Variants in ARFGEF1 observed in about 807,000 individuals in gnomAD.
ARFGEF1 encodes ARF guanine nucleotide exchange factor 1.
In ARFGEF1, 42 loss-of-function variants were observed where a neutral mutation model predicts 231.0. That is an observed-to-expected ratio of 0.18 (90% CI 0.14 to 0.24). The LOEUF is 0.24. Ranked by LOEUF, ARFGEF1 falls within the 10% of genes least tolerant of loss-of-function variation. ARFGEF1 has a pLI of 1.00. For missense variants in ARFGEF1, 1,345 were observed against 2,192.0 expected (o/e 0.61, Z 7.72); for synonymous variants, 710 against 732.3 (o/e 0.97, Z 0.49).
intron 7 of ARFGEF1, among the ~76,000 whole-genome samples, chr8:67,281,996 G>A (rs1441645794): frequency 6.6e-6 from 1 of 152,066 alleles, no homozygotes; most frequent in African/African-American, 2.4e-5. Context: ...ATCTTCCCAA[G>A]TTAATTTATA....
intron 15 of ARFGEF1, 39 bp from the exon 16 acceptor site, chr8:67,258,329 CT>C (rs113171041): frequency 0.17 from 178,155 of 1,024,860 alleles, 7 homozygotes; most frequent in South Asian, 0.22. Flanking sequence ...TATTTTCTTT[CT>C]TTTTTTTTTT....
chr8:67,333,903 C>T (rs928402862), intron 1 of ARFGEF1, among the ~76,000 whole-genome samples: 3 of 151,982 alleles, frequency 2.0e-5, no homozygotes, highest in Non-Finnish European at 4.4e-5. Context: ...TTTGGGAGGC[C>T]AAGGTCAGCG....
rs780874117 is a variant in ARFGEF1 at position 67,224,961 on chromosome 8, G to C, written c.4150C>G (p.Pro1384Ala). The C allele has an allele frequency of 6.2e-7, 1 of 1,605,478 alleles. No individual in the cohort carries two copies. The highest frequency in any genetic ancestry group is 8.5e-7 in the Non-Finnish European group (1 of 1,175,290). Residue 1384 changes from proline (P) to alanine (A), a missense_variant, in exon 29 of 39, where the codon CCA becomes GCA. By Grantham distance (27) the Pro-to-Ala change is conservative. Transcript: ENST00000262215. ...EDRVWVRGWF[P>A]ILFELSCIIN... Reference sequence around the variant, plus strand: ...ATACAGGATAACTCAAAGAGAATTGGGAACCATCCTCTCACCCACACCCTG... The same window carrying C: ...ATACAGGATAACTCAAAGAGAATTGCGAACCATCCTCTCACCCACACCCTG...
intron 1 of ARFGEF1, among the ~76,000 whole-genome samples, chr8:67,338,343 TTCCCCA>T (rs1456395065): frequency 1.3e-5 from 2 of 152,162 alleles, no homozygotes; most frequent in African/African-American, 2.4e-5. Context: ...TTGTCTTTCT[TTCCCCA>T]GTGTCCCAAA....
chr8:67,242,353 A>G (rs939936200), intron 19 of ARFGEF1, among the ~76,000 whole-genome samples: 1 of 152,230 alleles, frequency 6.6e-6, no homozygotes, highest in African/African-American at 2.4e-5. Context: ...TTTGTCTTGC[A>G]TCTCTAAAAC....
chr8:67,200,645 A>T (rs967976796), intron 37 of ARFGEF1, 132 bp from the exon 38 acceptor site: 2 of 640,860 alleles, frequency 3.1e-6, no homozygotes, highest in African/African-American at 3.6e-5. Context: ...ATCTGTTTAC[A>T]TTAGCTGGAG....
intron 1 of ARFGEF1, among the ~76,000 whole-genome samples, chr8:67,307,060 T>C (rs909337026): frequency 6.6e-6 from 1 of 152,232 alleles, no homozygotes; most frequent in African/African-American, 2.4e-5. Context: ...ATTACAGGCG[T>C]GAGCCACCAC....
At chr8:67,192,104 G>A (rs1183706842) in intron 5 of ARFGEF1, among the ~76,000 whole-genome samples, 1 of 136,876 alleles carries the variant, frequency 7.3e-6, no homozygotes, top group East Asian at 2.2e-4. Context: ...ACAGAGTCCT[G>A]CTCTGTCACC....
intron 8 of ARFGEF1, 43 bp from the exon 9 acceptor site, chr8:67,276,152 C>A (rs1340442541): frequency 1.2e-6 from 2 of 1,605,932 alleles, no homozygotes; most frequent in Non-Finnish European, 1.7e-6. Context: ...AGATATTTGC[C>A]AGTGTAAAAT....
chr8:67,216,212 T>C (rs1318064745), intron 33 of ARFGEF1, among the ~76,000 whole-genome samples: 1 of 152,158 alleles, frequency 6.6e-6, no homozygotes, highest in African/African-American at 2.4e-5. Context: ...AAATTCATAA[T>C]AAAACTTAAT....
intron 5 of ARFGEF1, among the ~76,000 whole-genome samples, chr8:67,179,375 C>G (rs1231714587): frequency 6.6e-6 from 1 of 152,122 alleles, no homozygotes; most frequent in African/African-American, 2.4e-5. Flanking sequence ...GTGATCTACT[C>G]CAGAGCAGAA....
In ARFGEF1 at chr8:67,227,263, C is replaced by T; in HGVS notation, c.3790G>A (p.Val1264Ile). ...DMVVRCIAQMVNSQAANIRSG... is the reference protein window; with the variant it reads ...DMVVRCIAQMINSQAANIRSG... ...CGAATGTTAGCAGCTTGAGAATTAA[C>T]CATCTGTGCTATACACCGTACAACC... The change falls in exon 27 of 39, where the codon GTT (valine) becomes ATT (isoleucine). Residue 1264 changes from valine to isoleucine, a missense_variant. Val to Ile is a conservative substitution (Grantham distance 29). Transcript: ENST00000262215. 1 of 1,613,066 alleles carries T rather than the reference C, an allele frequency of 6.2e-7. No individual in the cohort carries two copies. The highest frequency in any genetic ancestry group is 1.1e-5 in the South Asian group (1 of 91,022).
intron 15 of ARFGEF1, 47 bp downstream of exon 15, chr8:67,259,768 T>C: frequency 7.1e-7 from 1 of 1,403,726 alleles, no homozygotes; most frequent in South Asian, 1.3e-5. Context: ...GAAAAAAAAA[T>C]CCCAAGAATT....
chr8:67,333,182 G>A (rs1002516920), intron 1 of ARFGEF1, among the ~76,000 whole-genome samples: 4 of 151,736 alleles, frequency 2.6e-5, no homozygotes, highest in African/African-American at 7.3e-5. Context: ...CTACAGGCAC[G>A]CACCACCACA....
rs750228227 is a variant in ARFGEF1 at position 67,240,227 on chromosome 8, C to G, written c.2914G>C (p.Val972Leu). ...ATACCTTCCAGGCAAAGAGAGGCTA[C>G]TTCAGTATCATCACAATCTTGTAGA... ...VGLQDCDDTE[V>L]ASLCLEGIRC... The change falls in exon 20 of 39, where the codon GTA becomes CTA. Residue 972 changes from valine (V) to leucine (L), a missense_variant. By Grantham distance (32) the Val-to-Leu change is conservative. Coordinates refer to ENST00000262215, the MANE Select transcript of ARFGEF1 (RefSeq NM_006421.5). The G allele has an allele frequency of 1.9e-5, 30 of 1,613,074 alleles. No homozygotes were observed. Among genetic ancestry groups the G allele is most frequent in the Non-Finnish European group, 2.5e-5 (29 of 1,179,712 alleles).
intron 13 of ARFGEF1, 71 bp downstream of exon 13, chr8:67,266,804 CA>C: frequency 8.6e-7 from 1 of 1,169,168 alleles, no homozygotes; most frequent in Non-Finnish European, 1.2e-6. Context: ...GGTTTAACAG[CA>C]GCTGCAACTA....
chr8:67,240,026 GATTC>G (rs1301280157), intron 20 of ARFGEF1, 132 bp downstream of exon 20: 6 of 1,192,712 alleles, frequency 5.0e-6, no homozygotes, highest in Non-Finnish European at 5.8e-6. Context: ...TAAACATTAA[GATTC>G]ATTTAAATTC....
In ARFGEF1 at chr8:67,217,846, G is replaced by C. The variant is rs752446276; in HGVS notation, c.4549C>G (p.Leu1517Val). 6 of 1,613,876 alleles carry C rather than the reference G, an allele frequency of 3.7e-6. No individual in the cohort carries two copies. The highest frequency in any genetic ancestry group is 2.2e-5 in the East Asian group (1 of 44,868). The change falls in exon 32 of 39, where the codon CTA becomes GTA. Residue 1517 changes from leucine to valine, a missense_variant. This residue lies in a region of ARFGEF1 where 54 missense variants were observed against 86.5 expected (regional missense o/e 0.62). Coordinates refer to ENST00000262215, the MANE Select transcript of ARFGEF1 (RefSeq NM_006421.5). ...VVILNGEKFT[L>V]EIWDKTCNCT... ...TTGCAAGTTTTATCCCAGATTTCTA[G>C]GGTAAATTTTTCACCATTCAGAATA... is the stretch of plus-strand genomic sequence containing the variant.
intron 1 of ARFGEF1, among the ~76,000 whole-genome samples, chr8:67,311,217 C>T (rs1277271933): frequency 2.3e-4 from 33 of 144,084 alleles, no homozygotes; most frequent in Admixed American, 1.3e-3. Flanking sequence ...CCTGGCCAGC[C>T]GCCCCGTCCG....
Sources: allele counts gnomAD v4.1 joint callset (sites outside exome capture counted in the v4.1 genomes callset), GRCh38; gene constraint gnomAD v4.1.1; regional missense constraint gnomAD v4.1.1; transcripts MANE v1.5; gene names NCBI Gene and HGNC (gene_info 2026-07-23, HGNC 2026-07-21).